The following ANK2 variants were observed in gnomAD, a reference collection of about 807,000 sequenced individuals.
ANK2 encodes the protein ankyrin 2.
In ANK2, 83 loss-of-function variants were observed where a neutral mutation model predicts 360.5. The ratio of observed to expected loss-of-function variants is 0.23; its 90% confidence interval spans 0.19 to 0.28. The LOEUF is 0.28. Among genes scored for constraint, ANK2 ranks in the 10% least tolerant of loss-of-function variants. The pLI is 1.00. For missense variants in ANK2, 4,201 were observed against 4,795.7 expected, an observed-to-expected ratio of 0.88 and a Z score of 3.66; for synonymous variants, 1,740 against 1,759.5, an observed-to-expected ratio of 0.99 and a Z score of 0.28.
intron 2 of ANK2, among the ~76,000 whole-genome samples, chr4:112,985,558 ATCTG>A (rs2044549479): frequency 2.6e-5 from 4 of 152,156 alleles, no homozygotes; most frequent in Non-Finnish European, 5.9e-5. Flanking sequence ...AGTGGTTCTC[ATCTG>A]AAGATTTATG....
intron 29 of ANK2, among the ~76,000 whole-genome samples, chr4:113,335,596 A>G (rs2093418019): frequency 1.3e-5 from 2 of 152,212 alleles, no homozygotes; most frequent in Admixed American, 1.3e-4. Context: ...TATCTTTCTC[A>G]GTGACCTGGA....
chr4:112,939,863 T>G (rs1393910533), intron 2 of ANK2, among the ~76,000 whole-genome samples: 1 of 152,172 alleles, frequency 6.6e-6, no homozygotes, highest in Non-Finnish European at 1.5e-5. Context: ...TACCTATTAT[T>G]CTAAAGAACA....
At chr4:113,213,787 C>A (rs1056650747) in intron 4 of ANK2, among the ~76,000 whole-genome samples, 3 of 151,880 alleles carry the variant, frequency 2.0e-5, no homozygotes, top group African/African-American at 7.3e-5. Context: ...GGAAACGTTC[C>A]AAAAACCACT....
intron 2 of ANK2, among the ~76,000 whole-genome samples, chr4:112,985,021 C>T (rs182157837): frequency 8.7e-4 from 133 of 152,170 alleles, no homozygotes; most frequent in Middle Eastern, 3.4e-3. Flanking sequence ...TTTATAAGTC[C>T]GTCATCTAGG....
At chr4:113,092,969 T>C (rs1025311345) in intron 1 of ANK2, among the ~76,000 whole-genome samples, 29 of 152,246 alleles carry the variant, frequency 1.9e-4, no homozygotes, top group African/African-American at 6.7e-4. Context: ...AAGAGTCTAG[T>C]GGAAAAAACA....
At chr4:112,809,559 T>TCAA in the ANK2 span, among the ~76,000 whole-genome samples, 1 of 95,430 alleles carries the variant, frequency 1.0e-5, no homozygotes, top group African/African-American at 4.7e-5. Flanking sequence ...AGACTCCGTC[T>TCAA]AAAAAAAAAA....
rs755548985 is a variant in ANK2, at chr4:113,354,590, G to T, written c.5972G>T (p.Arg1991Leu). The T allele has an allele frequency of 3.7e-6, 6 of 1,613,972 alleles. No individual in the cohort carries two copies. Among genetic ancestry groups the T allele is most frequent in the Non-Finnish European group, 5.1e-6 (6 of 1,179,964 alleles). Residue 1991 changes from arginine to leucine, a missense_variant, in exon 38 of 46, where the codon CGG (arginine) becomes CTG (leucine). By Grantham distance (102) the Arg-to-Leu change is moderately radical. This residue lies in a region of ANK2 where 2,642 missense variants were observed against 2,714.5 expected (regional missense o/e 0.97). Coordinates refer to ENST00000357077, the MANE Select transcript of ANK2 (RefSeq NM_001148.6). ...TERIEETMSV[R>L]ELMKAFQSGQ... ...AGGATTGAGGAAACCATGTCTGTTC[G>T]GGAGCTGATGAAGGCTTTCCAGTCA...
intron 2 of ANK2, among the ~76,000 whole-genome samples, chr4:112,957,821 G>T (rs1402913549): frequency 1.0e-4 from 15 of 143,076 alleles, no homozygotes; most frequent in South Asian, 2.3e-4. Context: ...GGGCGGAGGG[G>T]CTCCTCACTT....
the ANK2 span, among the ~76,000 whole-genome samples, chr4:112,727,544 T>A: frequency 6.6e-6 from 1 of 151,828 alleles, no homozygotes; most frequent in Non-Finnish European, 1.5e-5. Flanking sequence ...ATAAAAAAGA[T>A]CAATGAAACC....
At chr4:112,781,984 C>T in the ANK2 span, among the ~76,000 whole-genome samples, 1 of 151,944 alleles carries the variant, frequency 6.6e-6, no homozygotes, top group African/African-American at 2.4e-5. Context: ...TGCATACCAC[C>T]ATGCCCGGCT....
chr4:113,342,947 C>T (rs1415210331), intron 33 of ANK2, 70 bp from the exon 34 acceptor site: 1 of 1,591,770 alleles, frequency 6.3e-7, no homozygotes, highest in East Asian at 2.2e-5. Context: ...AGTAGTACTA[C>T]CACTTCTTTG....
chr4:113,357,579 T>G lies in ANK2; in HGVS notation c.8961T>G (p.Asn2987Lys). 1 of 1,614,134 alleles carries G rather than the reference T, an allele frequency of 6.2e-7. No homozygotes were observed. The highest frequency in any genetic ancestry group is 2.2e-5 in the East Asian group (1 of 44,868). ...GAACTGTTTTAAGCAAAGAATCTAA[T>G]TTTGAGGGCCAGGACATAAAAATGG... ...SSGTVLSKES[N>K]FEGQDIKMES... Residue 2987 changes from asparagine (N) to lysine (K), a missense_variant, in exon 38 of 46, where the codon AAT (asparagine) becomes AAG (lysine). Around this residue, in one of 4 missense-constraint regions of ANK2, gnomAD observed 2,642 missense variants for 2,714.5 expected, o/e 0.97. Coordinates refer to ENST00000357077, the MANE Select transcript of ANK2 (RefSeq NM_001148.6).
At chr4:113,263,187 GAAAA>G (rs762758720) in intron 13 of ANK2, among the ~76,000 whole-genome samples, 1 of 63,624 alleles carries the variant, frequency 1.6e-5, no homozygotes, top group African/African-American at 5.8e-5. Context: ...GACTCTGTCT[GAAAA>G]AAAAAAAAAA....
Position 113,266,995 on chromosome 4 carries a change from G to T in ANK2, c.1485+2000G>T, listed in dbSNP as rs1036977578. Among the ~76,000 whole-genome samples the T allele has an allele frequency of 1.3e-5, 2 of 152,054 alleles. 1 individual carries two copies. The highest frequency in any genetic ancestry group is 4.1e-4 in the South Asian group (2 of 4,830). ...TGTGGTTTTGATTTGCATTTCTCTAGTGACCAGTGATGATGAGCTTTTTCT... is the reference window on the plus strand; with the variant it reads ...TGTGGTTTTGATTTGCATTTCTCTATTGACCAGTGATGATGAGCTTTTTCT... On this transcript the variant is annotated intron_variant, in intron 14 of 45. Coordinates refer to ENST00000357077, the MANE Select transcript of ANK2 (RefSeq NM_001148.6).
At chr4:112,966,059 T>G (rs1173221802) in intron 2 of ANK2, among the ~76,000 whole-genome samples, 2 of 151,810 alleles carry the variant, frequency 1.3e-5, no homozygotes, top group Non-Finnish European at 2.9e-5. Flanking sequence ...TTTCACATTG[T>G]TAGGTGTAGA....
At chr4:112,917,702 G>GA in intron 2 of ANK2, among the ~76,000 whole-genome samples, 1 of 152,346 alleles carries the variant, frequency 6.6e-6, no homozygotes, top group Middle Eastern at 3.4e-3. Context: ...ACTAAGAAGA[G>GA]AGCAGTCTCT....
chr4:112,808,283 G>C, the ANK2 span, among the ~76,000 whole-genome samples: 3 of 152,306 alleles, frequency 2.0e-5, no homozygotes, highest in African/African-American at 7.2e-5. Context: ...ACAAAGTGGA[G>C]CATATCCGGA....
chr4:113,242,026 C>T (rs1391062512), intron 8 of ANK2, 85 bp from the exon 9 acceptor site: 3 of 1,091,834 alleles, frequency 2.7e-6, no homozygotes, highest in South Asian at 1.3e-5. Context: ...TAGGTCACAA[C>T]TTCCTTTGTG....
chr4:112,984,260 G>A (rs150250529), intron 2 of ANK2, among the ~76,000 whole-genome samples: 1,802 of 152,242 alleles, frequency 0.012, 18 homozygotes, highest in African/African-American at 0.021. Flanking sequence ...CCGTTTTCAC[G>A]CTGCTGATAA....
Sources: allele counts gnomAD v4.1 joint callset (sites outside exome capture counted in the v4.1 genomes callset), GRCh38; gene constraint gnomAD v4.1.1; regional missense constraint gnomAD v4.1.1; transcripts MANE v1.5; gene names NCBI Gene and HGNC (gene_info 2026-07-23, HGNC 2026-07-21).